Variants in CSMD1 observed in about 807,000 individuals in gnomAD.
CSMD1 encodes the protein CUB and sushi domain-containing protein 1.
A neutral mutation model predicts 417.5 loss-of-function variants in CSMD1; 213 were observed. The ratio of observed to expected loss-of-function variants is 0.51; its 90% CI spans 0.46 to 0.57. CSMD1 has a LOEUF of 0.57. Ranked by LOEUF, CSMD1 falls within the 20% of genes least tolerant of loss-of-function variation. The pLI, the probability that CSMD1 is intolerant of heterozygous loss-of-function variation, is 0.00. For missense variants in CSMD1, 6,923 were observed against 4,529.7 expected (o/e 1.53, Z -15.17); for synonymous variants, 2,862 against 1,736.8 (o/e 1.65, Z -16.11).
chr8:3,530,962 C>G (rs747072786), intron 10 of CSMD1, among the ~76,000 whole-genome samples: 14 of 151,954 alleles, frequency 9.2e-5, no homozygotes, highest in Non-Finnish European at 1.6e-4. Context: ...AAGCGATTCT[C>G]CTGCCTCAGC....
chr8:4,627,741 G>A (rs747202637), intron 2 of CSMD1, among the ~76,000 whole-genome samples: 1 of 152,116 alleles, frequency 6.6e-6, no homozygotes, highest in Non-Finnish European at 1.5e-5. Context: ...CCCTCAGCCA[G>A]TTCCAGCTAA....
At chr8:3,049,478 T>C (rs1375927436) in intron 50 of CSMD1, among the ~76,000 whole-genome samples, 2 of 152,072 alleles carry the variant, frequency 1.3e-5, no homozygotes, top group African/African-American at 4.8e-5. Flanking sequence ...AAGAAGCCAA[T>C]CTGAAAGGCT....
At chr8:4,840,661 C>T (rs1334543513) in intron 1 of CSMD1, among the ~76,000 whole-genome samples, 1 of 152,060 alleles carries the variant, frequency 6.6e-6, no homozygotes, top group Non-Finnish European at 1.5e-5. Context: ...GTGACGTGTC[C>T]CAAAAAAGGT....
At chr8:3,235,689 G>A (rs1376512288) in intron 26 of CSMD1, among the ~76,000 whole-genome samples, 1 of 152,136 alleles carries the variant, frequency 6.6e-6, no homozygotes, top group African/African-American at 2.4e-5. Context: ...AGTAGAAACA[G>A]TGCCTTGCAC....
chr8:4,751,246 A>T (rs887217417), intron 1 of CSMD1, among the ~76,000 whole-genome samples: 2 of 152,124 alleles, frequency 1.3e-5, no homozygotes, highest in African/African-American at 4.8e-5. Context: ...TTAGGCAGAC[A>T]TTGTGGCACG....
intron 1 of CSMD1, among the ~76,000 whole-genome samples, chr8:4,927,620 A>C (rs144604637): frequency 6.6e-6 from 1 of 152,322 alleles, no homozygotes; most frequent in Non-Finnish European, 1.5e-5. Context: ...AAACTGACGA[A>C]AGACAACAGG....
Position 3,353,334 on chromosome 8 carries a change from C to T in CSMD1, c.3305-5173G>A, listed in dbSNP as rs1225613513. Among the ~76,000 whole-genome samples the T allele has an allele frequency of 3.9e-5, 6 of 152,168 alleles. No individual in the cohort carries two copies. The East Asian group carries it at 5.8e-4, about 15-fold the overall frequency. On this transcript the variant is annotated intron_variant, in intron 21 of 69. Transcript: ENST00000635120. ...TCAAATTAAATCAGAAGAATTCTTG[C>T]GGAAGCTTCTTATCTCCATTCCTAT...
At chr8:3,287,123 C>T (rs1308368778) in intron 25 of CSMD1, among the ~76,000 whole-genome samples, 1 of 151,666 alleles carries the variant, frequency 6.6e-6, no homozygotes, top group Admixed American at 6.6e-5. Context: ...TGTCAAAGAT[C>T]AGATAGTTGT....
At chr8:4,422,446 T>C (rs916584602) in intron 2 of CSMD1, among the ~76,000 whole-genome samples, 5 of 152,006 alleles carry the variant, frequency 3.3e-5, no homozygotes, top group African/African-American at 7.2e-5. Context: ...TCTGATCCCA[T>C]AGGGTAAGCA....
intron 3 of CSMD1, among the ~76,000 whole-genome samples, chr8:4,284,426 C>T (rs1188280734): frequency 7.6e-6 from 1 of 132,314 alleles, no homozygotes; most frequent in East Asian, 2.5e-4. Flanking sequence ...ACAAACACTG[C>T]GGGAGGGTAC....
intron 5 of CSMD1, among the ~76,000 whole-genome samples, chr8:3,947,529 T>C (rs1178393294): frequency 6.6e-6 from 1 of 152,212 alleles, no homozygotes; most frequent in Non-Finnish European, 1.5e-5. Flanking sequence ...AACAACACTC[T>C]TCTACATAAC....
intron 5 of CSMD1, among the ~76,000 whole-genome samples, chr8:3,848,462 GTACT>G (rs1337430592): frequency 4.6e-5 from 7 of 151,930 alleles, no homozygotes; most frequent in African/African-American, 1.5e-4. Context: ...AGTTCTCTGA[GTACT>G]TAATTCAGTT....
At chr8:3,990,040 A>G (rs1814627396) in intron 5 of CSMD1, among the ~76,000 whole-genome samples, 1 of 152,230 alleles carries the variant, frequency 6.6e-6, no homozygotes, top group Non-Finnish European at 1.5e-5. Flanking sequence ...ATGAGAGTTA[A>G]GCAGCATTAT....
chr8:3,924,537 C>T lies in CSMD1; in HGVS notation c.818+73366G>A, dbSNP rs540624647. 5.3e-5 allele frequency among the ~76,000 whole-genome samples: 8 copies of T among 152,104 alleles called. 1 individual carries two copies. The highest frequency in any genetic ancestry group is 4.1e-4 in the South Asian group (2 of 4,826). On this transcript the variant is annotated intron_variant, in intron 5 of 69. Coordinates refer to ENST00000635120, the MANE Select transcript of CSMD1 (RefSeq NM_033225.6). ...GTTTCCCAGAAGCTCGGTGGACTTG[C>T]TTCATTTTTGAAAATTGTGTATCAG...
chr8:3,087,524 A>C (rs1814629617), intron 48 of CSMD1, among the ~76,000 whole-genome samples: 1 of 152,222 alleles, frequency 6.6e-6, no homozygotes, highest in Non-Finnish European at 1.5e-5. Context: ...AGGATCCTGA[A>C]TACAGTACTG....
At chr8:4,618,247 A>G (rs1393420094) in intron 2 of CSMD1, among the ~76,000 whole-genome samples, 1 of 152,128 alleles carries the variant, frequency 6.6e-6, no homozygotes, top group Non-Finnish European at 1.5e-5. Flanking sequence ...CCCAGACCTC[A>G]TAAATGTGCT....
intron 3 of CSMD1, among the ~76,000 whole-genome samples, chr8:4,269,309 C>T (rs934373478): frequency 7.2e-5 from 11 of 152,094 alleles, no homozygotes; most frequent in Non-Finnish European, 1.3e-4. Flanking sequence ...GGTGATCCAC[C>T]CGCACTGGCC....
At chr8:3,311,543 G>T (rs754888086) in intron 23 of CSMD1, among the ~76,000 whole-genome samples, 1 of 152,186 alleles carries the variant, frequency 6.6e-6, no homozygotes, top group Non-Finnish European at 1.5e-5. Context: ...AGTCTAATCA[G>T]CTAGAGAGTC....
At chr8:4,456,265 G>C (rs542682371) in intron 2 of CSMD1, among the ~76,000 whole-genome samples, 4 of 152,020 alleles carry the variant, frequency 2.6e-5, no homozygotes, top group East Asian at 1.9e-4. Context: ...TAACAGAAAA[G>C]ATGTTAAGTG....
Sources: gnomAD v4.1 joint callset for allele counts (sites outside exome capture counted in the v4.1 genomes callset) on GRCh38, gnomAD v4.1.1 for gene constraint, MANE v1.5 for transcripts, NCBI Gene and HGNC (gene_info 2026-07-23, HGNC 2026-07-21) for gene names.